ARFGEF3: variants seen among roughly 807,000 people sequenced by gnomAD.
The protein encoded by ARFGEF3 is brefeldin A-inhibited guanine nucleotide-exchange protein 3.
Under a neutral mutation model 221.7 loss-of-function variants are expected in ARFGEF3, and 96 were observed. The ratio of observed to expected loss-of-function variants is 0.43; its 90% confidence interval spans 0.37 to 0.51. The LOEUF (loss-of-function observed/expected upper bound fraction) is 0.51. Among genes scored for constraint, ARFGEF3 ranks in the 20% least tolerant of loss-of-function variants. The probability of loss-of-function intolerance (pLI) is 0.00; values close to 1 mark genes in which losing one functional copy is unlikely to be tolerated. For synonymous variants in ARFGEF3, 1,145 were observed against 1,126.8 expected (o/e 1.02, Z -0.32); for missense variants, 2,410 against 2,789.9 (o/e 0.86, Z 3.07).
At chr6:138,260,374 C>T (rs1281589374) in intron 10 of ARFGEF3, among the ~76,000 whole-genome samples, 1 of 152,186 alleles carries the variant, frequency 6.6e-6, no homozygotes, top group African/African-American at 2.4e-5. Flanking sequence ...TGGACATACG[C>T]TAGGACGTCT....
At chr6:138,219,795 T>C (rs915687743) in intron 4 of ARFGEF3, among the ~76,000 whole-genome samples, 9 of 150,660 alleles carry the variant, frequency 6.0e-5, no homozygotes, top group Non-Finnish European at 1.3e-4. Flanking sequence ...TAGATGTGCG[T>C]GTGTGTGTGT....
rs970823346 is a variant in ARFGEF3, at chr6:138,162,234, C to T, written c.85+63C>T. On this transcript the variant is annotated intron_variant, in intron 1 of 33. Coordinates refer to ENST00000251691, the MANE Select transcript of ARFGEF3 (RefSeq NM_020340.5). The surrounding 1 kb of genome is among the most constrained non-coding windows in gnomAD (Gnocchi z 4.7). ...CGCGCGGCCGGGGCTGAACCCGCGC[C>T]TCCGCGCGTGGGGCTTTCGCGGAGC... 8.6e-6 allele frequency: 11 copies of T among 1,282,484 alleles called. No homozygotes were observed. The African/African-American group carries it at 1.4e-4, about 16-fold the overall frequency. 79.4% of individuals were successfully genotyped at this position (1,282,484 alleles called of 1,614,324 possible).
chr6:138,299,198 T>TAAAAAAAAAAAA (rs60475752), intron 22 of ARFGEF3, among the ~76,000 whole-genome samples: 1 of 39,438 alleles, frequency 2.5e-5, no homozygotes, highest in African/African-American at 6.4e-5. Context: ...CGAGACTCTG[T>TAAAAAAAAAAAA]AAAAAAAAAA....
intron 3 of ARFGEF3, among the ~76,000 whole-genome samples, chr6:138,208,926 T>C (rs1777670055): frequency 6.6e-6 from 1 of 152,168 alleles, no homozygotes; most frequent in Non-Finnish European, 1.5e-5. Flanking sequence ...TCAGATATTT[T>C]AGAAGCTTAA....
At chr6:138,235,176 C>T (rs1399253564) in intron 5 of ARFGEF3, among the ~76,000 whole-genome samples, 1 of 152,070 alleles carries the variant, frequency 6.6e-6, no homozygotes, top group African/African-American at 2.4e-5. Flanking sequence ...CTTGTGTTTT[C>T]TTGTTCTTTT....
intron 4 of ARFGEF3, among the ~76,000 whole-genome samples, chr6:138,222,136 G>GT (rs1777994142): frequency 6.6e-6 from 1 of 152,306 alleles, no homozygotes; most frequent in African/African-American, 2.4e-5. Flanking sequence ...GCCTTTTGGA[G>GT]TTGGAACAGT....
chr6:138,177,099 A>AT (rs76738635), intron 2 of ARFGEF3, among the ~76,000 whole-genome samples: 3 of 125,540 alleles, frequency 2.4e-5, no homozygotes, highest in Non-Finnish European at 3.5e-5. Context: ...ATTTATTTAT[A>AT]TTTTTTTTGA....
intron 22 of ARFGEF3, 44 bp downstream of exon 22, chr6:138,298,829 A>G (rs1016155293): frequency 8.1e-6 from 12 of 1,485,492 alleles, no homozygotes; most frequent in African/African-American, 1.4e-5. Context: ...GCTCTTACTG[A>G]GTGCAGTGGC....
At chr6:138,199,473 C>T (rs1448280570) in intron 2 of ARFGEF3, among the ~76,000 whole-genome samples, 3 of 152,112 alleles carry the variant, frequency 2.0e-5, no homozygotes, top group African/African-American at 2.4e-5. Context: ...ACTTAAAGTT[C>T]GCATTTTCCC....
At chr6:138,255,980 C>A (rs991985919) in intron 10 of ARFGEF3, among the ~76,000 whole-genome samples, 16 of 152,250 alleles carry the variant, frequency 1.1e-4, no homozygotes, top group African/African-American at 3.9e-4. Flanking sequence ...CCCACTGATG[C>A]AAAACCGTTT....
At chr6:138,192,218 G>A (rs1305778767) in intron 2 of ARFGEF3, among the ~76,000 whole-genome samples, 1 of 152,188 alleles carries the variant, frequency 6.6e-6, no homozygotes, top group African/African-American at 2.4e-5. Flanking sequence ...GCCAGGCAAG[G>A]TGGTTCACGC....
At chr6:138,187,433 A>G (rs1777210619) in intron 2 of ARFGEF3, among the ~76,000 whole-genome samples, 1 of 152,088 alleles carries the variant, frequency 6.6e-6, no homozygotes, top group Non-Finnish European at 1.5e-5. Flanking sequence ...CTTAGCCTGG[A>G]GCAGTGAGGC....
chr6:138,334,297 T>A lies in ARFGEF3; in HGVS notation c.5451T>A (p.Tyr1817Ter). The change falls in exon 33 of 34, where the codon TAT becomes TAA. Residue 1817 changes from tyrosine to a stop codon, truncating the protein, a stop_gained. Transcript: ENST00000251691. LOFTEE classifies it high-confidence loss of function. The surrounding 1 kb of genome is among the most constrained non-coding windows in gnomAD (Gnocchi z 5.1). ...YRQSAMSFNI[Y>*]FHALVCAVLT... ...AGTCTGCGATGAGCTTTAACATTTA[T>A]TTCCACGCCCTGGTGTGTGCTGTTC... is the stretch of plus-strand genomic sequence containing the variant. 1 of 1,613,838 alleles carries A rather than the reference T, an allele frequency of 6.2e-7. No homozygotes were observed.
In ARFGEF3 at chr6:138,181,343, T is replaced by C. The variant is rs532603664; in HGVS notation, c.137+10630T>C. On this transcript the variant is annotated intron_variant, in intron 2 of 33. Coordinates refer to ENST00000251691, the MANE Select transcript of ARFGEF3 (RefSeq NM_020340.5). ...CTCATCCTCTCTTTATGACCAATAG[T>C]TGATGACTTTATAACTCTGGGCTTT... Among the ~76,000 whole-genome samples, 9 of 152,366 alleles carry C rather than the reference T, an allele frequency of 5.9e-5. No homozygotes were observed. In the East Asian group the frequency reaches 1.5e-3, roughly 26 times the overall value.
At chr6:138,290,092 TCA>T in intron 18 of ARFGEF3, 124 bp downstream of exon 18, 2 of 919,916 alleles carry the variant, frequency 2.2e-6, no homozygotes, top group Non-Finnish European at 3.2e-6. Context: ...TTATAACAAT[TCA>T]CAGAGTTTGA....
At chr6:138,180,327 TG>T (rs1212123705) in intron 2 of ARFGEF3, among the ~76,000 whole-genome samples, 1 of 152,208 alleles carries the variant, frequency 6.6e-6, no homozygotes, top group Non-Finnish European at 1.5e-5. Context: ...CAAAGGATGC[TG>T]GTGTAGAATT....
chr6:138,243,719 G>GAAA (rs66483625), intron 7 of ARFGEF3, among the ~76,000 whole-genome samples: 2 of 149,560 alleles, frequency 1.3e-5, no homozygotes, highest in African/African-American at 4.9e-5. Flanking sequence ...GAGGAGGAGG[G>GAAA]AAAAAAAAAG....
chr6:138,298,602 G>T lies in ARFGEF3; in HGVS notation c.3649-4G>T. The T allele has an allele frequency of 6.2e-7, 1 of 1,610,324 alleles. No homozygotes were observed. The highest frequency in any genetic ancestry group is 8.5e-7 in the Non-Finnish European group (1 of 1,178,182). ...GGTGAGCCACTCTCTCGTGAATTTT[G>T]CAGGCTGCTTGCCATAAGGAAAGAC... On this transcript the variant is annotated splice_polypyrimidine_tract_variant and splice_region_variant and intron_variant, in intron 21 of 33. Coordinates refer to ENST00000251691, the MANE Select transcript of ARFGEF3 (RefSeq NM_020340.5).
intron 2 of ARFGEF3, among the ~76,000 whole-genome samples, chr6:138,205,669 A>G (rs192343686): frequency 6.6e-6 from 1 of 152,368 alleles, no homozygotes; most frequent in East Asian, 1.9e-4. Flanking sequence ...AACTGGATGT[A>G]ACAGAGTTGG....
Sources: gnomAD v4.1 joint callset for allele counts (sites outside exome capture counted in the v4.1 genomes callset) on GRCh38, gnomAD v4.1.1 for gene constraint, Gnocchi (gnomAD v3.1) non-coding constraint, MANE v1.5 for transcripts, NCBI Gene and HGNC (gene_info 2026-07-23, HGNC 2026-07-21) for gene names.